The following DYNC1H1 variants were observed in gnomAD, a reference collection of about 807,000 sequenced individuals.
The protein encoded by DYNC1H1 is cytoplasmic dynein 1 heavy chain 1.
A neutral mutation model predicts 527.1 loss-of-function variants in DYNC1H1; 51 were observed. The observed-to-expected ratio is 0.10, with a 90% CI of 0.08 to 0.12. The LOEUF is 0.12. Ranked by LOEUF, DYNC1H1 falls within the 10% of genes least tolerant of loss-of-function variation. The pLI, the probability that DYNC1H1 is intolerant of heterozygous loss-of-function variation, is 1.00. For synonymous variants in DYNC1H1, 2,189 were observed against 2,278.8 expected (o/e 0.96, Z 1.12); for missense variants, 2,771 against 5,971.8 (o/e 0.46, Z 17.66).
chr14:101,967,357 A>G (rs2047680506), intron 1 of DYNC1H1, among the ~76,000 whole-genome samples: 1 of 152,238 alleles, frequency 6.6e-6, no homozygotes, highest in South Asian at 2.1e-4. Context: ...AAGATCACCA[A>G]CAATGAAGTC....
chr14:101,967,267 G>A (rs2448243), intron 1 of DYNC1H1, among the ~76,000 whole-genome samples: 5,095 of 152,206 alleles, frequency 0.033, 213 homozygotes, highest in African/African-American at 0.099. Context: ...AATCAAATAT[G>A]TGCATCCAGT....
At position 102,016,596 on chromosome 14, in the gene DYNC1H1, A is replaced by G; in HGVS notation, c.7614+107A>G. The G allele has an allele frequency of 6.3e-7, 1 of 1,599,562 alleles. No homozygotes were observed. Among genetic ancestry groups the G allele is most frequent in the African/African-American group, 1.3e-5 (1 of 74,704 alleles). On this transcript the variant is annotated intron_variant, in intron 37 of 77. Transcript: ENST00000360184. This position sits in a 1 kb window ranked among gnomAD's most constrained non-coding sequence, Gnocchi z 7.3. Reference sequence around the variant, plus strand: ...TGGCTTCGTCTTTTCATTTTATTCCATTTCATAGAAGGACTTTATCCTTTT... The same window carrying G: ...TGGCTTCGTCTTTTCATTTTATTCCGTTTCATAGAAGGACTTTATCCTTTT...
chr14:102,017,062 T>C lies in DYNC1H1; in HGVS notation c.7849-26T>C, dbSNP rs1314275964. 5 of 1,614,208 alleles carry C rather than the reference T, an allele frequency of 3.1e-6. No individual in the cohort carries two copies. Among genetic ancestry groups the C allele is most frequent in the Non-Finnish European group, 4.2e-6 (5 of 1,180,024 alleles). On this transcript the variant is annotated intron_variant, in intron 38 of 77. Coordinates refer to ENST00000360184, the MANE Select transcript of DYNC1H1 (RefSeq NM_001376.5). The surrounding 1 kb of genome is among the most constrained non-coding windows in gnomAD (Gnocchi z 4.6). ...GCTGAGCATGGGGTTGGTCTTACAG[T>C]GTGGTTTTGTGTCTTCCCTCCAAAG...
chr14:102,054,991 C>T lies in DYNC1H1; in HGVS notation c.*4428C>T, dbSNP rs1371485747. ...GGATTATGGGCCTGAGCCACCCCAC[C>T]CGGCCCAACCTTATTATTACTGAAG... On this transcript the variant is annotated 3_prime_UTR_variant, in exon 78 of 78. Transcript: ENST00000360184. The T allele has an allele frequency of 6.6e-6, 1 of 152,308 alleles. No individual in the cohort carries two copies. Among genetic ancestry groups the T allele is most frequent in the East Asian group, 1.9e-4 (1 of 5,200 alleles). 9.4% of individuals were successfully genotyped at this position (152,308 alleles called of 1,614,324 possible). A position where few individuals can be genotyped will look rare whatever the true frequency, so the allele number is the denominator to read the frequency against.
chr14:102,047,303 C>T (rs1261940690), intron 72 of DYNC1H1, among the ~76,000 whole-genome samples: 1 of 152,060 alleles, frequency 6.6e-6, no homozygotes, highest in Admixed American at 6.6e-5. Context: ...GAGGCCAAGG[C>T]GAGCAGATCA....
intron 51 of DYNC1H1, 101 bp downstream of exon 51, chr14:102,030,383 A>C: frequency 6.3e-7 from 1 of 1,578,048 alleles, no homozygotes; most frequent in Non-Finnish European, 8.7e-7. Flanking sequence ...TGCTTCCCTC[A>C]AAGGTTCTGG....
chr14:102,008,841 G>C (rs2048226697), intron 29 of DYNC1H1, among the ~76,000 whole-genome samples: 1 of 152,166 alleles, frequency 6.6e-6, no homozygotes. Flanking sequence ...CCTCATTCTA[G>C]GGCAGCAGCA....
Position 102,029,126 on chromosome 14 carries a change from GTAGTCTGA to G in DYNC1H1, c.9469-411_9469-404del. 3.7e-6 allele frequency: 1 copy of G among 269,794 alleles called. No homozygotes were observed. The highest frequency in any genetic ancestry group is 7.2e-6 in the Non-Finnish European group (1 of 138,670). The allele number at this position is 269,794 out of a possible 1,614,324, so 16.7% of individuals were successfully genotyped here. A position where few individuals can be genotyped will look rare whatever the true frequency, so the allele number is the denominator to read the frequency against. ...TGTCGTCCAGCCCTGGCTTCCCCTG[GTAGTCTGA>G]TCATCTTGCTGTGCTTCAGAAATCA... On this transcript the variant is annotated intron_variant, in intron 48 of 77. Coordinates refer to ENST00000360184, the MANE Select transcript of DYNC1H1 (RefSeq NM_001376.5). The surrounding 1 kb of genome is among the most constrained non-coding windows in gnomAD (Gnocchi z 5.3).
Position 102,042,773 on chromosome 14 carries a change from G to T in DYNC1H1, c.12513+25G>T. The T allele has an allele frequency of 6.2e-7, 1 of 1,612,440 alleles. No homozygotes were observed. The highest frequency in any genetic ancestry group is 8.5e-7 in the Non-Finnish European group (1 of 1,179,048). ...GGTAAGTACCTTGTCCTCCTGGTAT[G>T]CTTTCCCCATAGAAGCTAAAGCCCA... On this transcript the variant is annotated intron_variant, in intron 69 of 77. Transcript: ENST00000360184. The surrounding 1 kb of genome is among the most constrained non-coding windows in gnomAD (Gnocchi z 5.7).
At chr14:102,023,944 A>G (rs953639384) in intron 43 of DYNC1H1, 1 of 152,198 alleles carries the variant, frequency 6.6e-6, no homozygotes, top group Non-Finnish European at 1.5e-5. Context: ...TTGTCCTAAA[A>G]TGCACTATAA....
intron 2 of DYNC1H1, among the ~76,000 whole-genome samples, chr14:101,977,499 C>T (rs966265669): frequency 6.6e-6 from 1 of 152,186 alleles, no homozygotes; most frequent in African/African-American, 2.4e-5. Context: ...CAAGGACATT[C>T]TCATTCGTAG....
chr14:102,040,444 A>T, intron 63 of DYNC1H1, 34 bp downstream of exon 63: 1 of 1,614,048 alleles, frequency 6.2e-7, no homozygotes, highest in Non-Finnish European at 8.5e-7. Flanking sequence ...CAGTAGGTAA[A>T]TGTTGGCCTT....
At chr14:101,984,522 T>C (rs1217769094) in intron 7 of DYNC1H1, among the ~76,000 whole-genome samples, 2 of 141,094 alleles carry the variant, frequency 1.4e-5, no homozygotes, top group African/African-American at 5.3e-5. Context: ...TGGCATGATC[T>C]CAGGTCACTG....
At chr14:102,026,952 G>A in intron 44 of DYNC1H1, 1 of 768,276 alleles carries the variant, frequency 1.3e-6, no homozygotes, top group Non-Finnish European at 2.2e-6. Flanking sequence ...TTGACCTTCT[G>A]CTGGAATTGC....
At position 101,964,916 on chromosome 14, in the gene DYNC1H1, C is replaced by T; in HGVS notation, c.225C>T (p.His75=). 1.2e-6 allele frequency: 2 copies of T among 1,600,536 alleles called. No homozygotes were observed. ...MRKFLSDPQV[H]TVLVERSTLK... ...AGTTCCTTTCGGACCCGCAGGTCCACACGGTGCTGGTGGAGCGCTCCACGC... is the reference window on the plus strand; with the variant it reads ...AGTTCCTTTCGGACCCGCAGGTCCATACGGTGCTGGTGGAGCGCTCCACGC... Residue 75 remains histidine, a synonymous_variant, in exon 1 of 78, where the codon CAC becomes CAT. Transcript: ENST00000360184. The surrounding 1 kb of genome is among the most constrained non-coding windows in gnomAD (Gnocchi z 5.5).
Position 102,038,370 on chromosome 14 carries a change from G to A in DYNC1H1, c.10909-90G>A. On this transcript the variant is annotated intron_variant, in intron 57 of 77. Transcript: ENST00000360184. This position sits in a 1 kb window ranked among gnomAD's most constrained non-coding sequence, Gnocchi z 7.2. ...TGGCGGGTGGCTTTTGGGAAGGTAT[G>A]CTTATCCAGAGTAGGACAGCAACAT... 3 of 1,554,596 alleles carry A rather than the reference G, an allele frequency of 1.9e-6. No homozygotes were observed. The highest frequency in any genetic ancestry group is 2.6e-6 in the Non-Finnish European group (3 of 1,155,622).
chr14:102,035,174 A>C (rs1235474629), intron 56 of DYNC1H1: 1 of 153,722 alleles, frequency 6.5e-6, no homozygotes. Flanking sequence ...AGGTTGCAGC[A>C]AGCCAAGATG....
At chr14:102,040,076 C>T (rs112332860) in intron 62 of DYNC1H1, among the ~76,000 whole-genome samples, 160 bp from the exon 63 acceptor site, 19 of 152,146 alleles carry the variant, frequency 1.2e-4, no homozygotes, top group African/African-American at 4.3e-4. Flanking sequence ...AACTCCTGAC[C>T]TCAAGTGATC....
rs1485032669 is a variant in DYNC1H1, at chr14:102,052,907, A to T, written c.*2344A>T. ...CTCTGACTTCAGTGTGTAGGAAGCC[A>T]CCTTACAGCTCATGTCACCCAGAGA... On this transcript the variant is annotated 3_prime_UTR_variant, in exon 78 of 78. Transcript: ENST00000360184. 2 of 152,106 alleles carry T rather than the reference A, an allele frequency of 1.3e-5. No homozygotes were observed. Among genetic ancestry groups the T allele is most frequent in the Non-Finnish European group, 2.9e-5 (2 of 68,018 alleles). 9.4% of individuals were successfully genotyped at this position (152,106 alleles called of 1,614,324 possible).
Sources: allele counts gnomAD v4.1 joint callset (sites outside exome capture counted in the v4.1 genomes callset), GRCh38; gene constraint gnomAD v4.1.1; non-coding constraint Gnocchi (gnomAD v3.1); transcripts MANE v1.5; gene names NCBI Gene and HGNC (gene_info 2026-07-23, HGNC 2026-07-21).